Variants in TMEM117 observed in about 807,000 individuals in gnomAD.
TMEM117 encodes the protein transmembrane protein 117.
A neutral mutation model predicts 52.4 loss-of-function variants in TMEM117; 27 were observed. The observed-to-expected ratio is 0.51, with a 90% confidence interval of 0.38 to 0.71. The LOEUF (loss-of-function observed/expected upper bound fraction) is 0.71. TMEM117 is among the 30% of genes least tolerant of loss of function. TMEM117 has a pLI of 0.00. For synonymous variants in TMEM117, 215 were observed against 206.3 expected (o/e 1.04, Z -0.36); for missense variants, 556 against 630.5 (o/e 0.88, Z 1.26).
intron 3 of TMEM117, among the ~76,000 whole-genome samples, chr12:43,993,614 T>C (rs886244581): frequency 2.6e-5 from 4 of 152,148 alleles, no homozygotes; most frequent in African/African-American, 9.7e-5. Flanking sequence ...AAAACATCAC[T>C]ATGTATCTAT....
At chr12:43,847,997 A>C (rs148701299) in intron 2 of TMEM117, among the ~76,000 whole-genome samples, 2,364 of 152,268 alleles carry the variant, frequency 0.016, 23 homozygotes, top group Non-Finnish European at 0.023. Context: ...GCAAGTTTTT[A>C]TTAAGGGTTT....
At chr12:43,913,945 A>T (rs1250012086) in intron 2 of TMEM117, among the ~76,000 whole-genome samples, 1 of 152,134 alleles carries the variant, frequency 6.6e-6, no homozygotes, top group African/African-American at 2.4e-5. Flanking sequence ...TTCCGTTTAT[A>T]TTGATGTATT....
At chr12:43,936,716 T>G (rs1944957276) in intron 2 of TMEM117, among the ~76,000 whole-genome samples, 1 of 152,114 alleles carries the variant, frequency 6.6e-6, no homozygotes, top group Admixed American at 6.5e-5. Flanking sequence ...AACTGTTAGG[T>G]CAGATGCAGC....
chr12:44,195,070 G>A (rs1949400942), intron 4 of TMEM117, among the ~76,000 whole-genome samples: 1 of 152,138 alleles, frequency 6.6e-6, no homozygotes, highest in Non-Finnish European at 1.5e-5. Flanking sequence ...ACATTTGATA[G>A]CTCACTCTTC....
chr12:44,031,446 T>C (rs1229192336), intron 3 of TMEM117, among the ~76,000 whole-genome samples: 2 of 152,178 alleles, frequency 1.3e-5, no homozygotes, highest in Non-Finnish European at 2.9e-5. Context: ...TGCATTTAAA[T>C]GCAGGTTTCT....
At chr12:44,397,002 T>A in the TMEM117 span, among the ~76,000 whole-genome samples, 3 of 152,186 alleles carry the variant, frequency 2.0e-5, no homozygotes, top group African/African-American at 7.2e-5. Flanking sequence ...ATTTCTTACA[T>A]TCAATATGGG....
chr12:44,263,574 A>T (rs182157452), intron 5 of TMEM117: 3 of 152,352 alleles, frequency 2.0e-5, no homozygotes, highest in Non-Finnish European at 1.5e-5. Context: ...TCACAATAGC[A>T]AAGACTTGGA....
intron 2 of TMEM117, among the ~76,000 whole-genome samples, chr12:43,872,312 T>A (rs1943720023): frequency 6.6e-6 from 1 of 152,140 alleles, no homozygotes; most frequent in African/African-American, 2.4e-5. Context: ...AAAACAATAT[T>A]GGCACAGACC....
chr12:44,367,774 T>C (rs1951809708), intron 6 of TMEM117, among the ~76,000 whole-genome samples: 1 of 152,098 alleles, frequency 6.6e-6, no homozygotes, highest in Non-Finnish European at 1.5e-5. Context: ...TTCTCTATTT[T>C]CTGCAAGTGT....
At chr12:44,074,762 A>G (rs1174972247) in intron 3 of TMEM117, among the ~76,000 whole-genome samples, 4 of 152,204 alleles carry the variant, frequency 2.6e-5, no homozygotes, top group African/African-American at 7.2e-5. Flanking sequence ...CTTACAAAAA[A>G]TTATTGATGC....
chr12:43,936,513 G>A (rs760130163), intron 2 of TMEM117, among the ~76,000 whole-genome samples: 24 of 152,122 alleles, frequency 1.6e-4, no homozygotes, highest in Non-Finnish European at 2.9e-4. Context: ...TGAAACCATG[G>A]GAGAGGATGA....
intron 6 of TMEM117, among the ~76,000 whole-genome samples, chr12:44,353,184 T>A (rs1249129757): frequency 6.6e-6 from 1 of 152,168 alleles, no homozygotes; most frequent in Admixed American, 6.5e-5. Flanking sequence ...TCATTGTAGA[T>A]TCTGGATATT....
chr12:44,211,041 A>C (rs1949638837), intron 4 of TMEM117, among the ~76,000 whole-genome samples: 1 of 152,116 alleles, frequency 6.6e-6, no homozygotes, highest in Non-Finnish European at 1.5e-5. Context: ...CGGTAATCTT[A>C]ATATTTAAAA....
the TMEM117 span, among the ~76,000 whole-genome samples, chr12:43,809,678 G>T: frequency 1.2e-4 from 18 of 152,236 alleles, no homozygotes; most frequent in East Asian, 2.1e-3. Context: ...CCACAATATC[G>T]CTGGGCCCTG....
At chr12:44,253,206 G>A (rs1156712933) in intron 5 of TMEM117, among the ~76,000 whole-genome samples, 1 of 152,146 alleles carries the variant, frequency 6.6e-6, no homozygotes, top group Non-Finnish European at 1.5e-5. Flanking sequence ...GTGTGTGGGA[G>A]GGAGCACATA....
chr12:43,967,902 C>T lies in TMEM117; in HGVS notation c.410+23560C>T, dbSNP rs189473300. Among the ~76,000 whole-genome samples, 704 of 152,302 alleles carry T rather than the reference C, an allele frequency of 4.6e-3. 5 individuals carry two copies. The highest frequency in any genetic ancestry group is 0.016 in the African/African-American group (678 of 41,548). ...AAACATGCGTGTGCGTGTGGACACGCACACATACACAGAATGGCTACAAAA... is the reference window on the plus strand; with the variant it reads ...AAACATGCGTGTGCGTGTGGACACGTACACATACACAGAATGGCTACAAAA... On this transcript the variant is annotated intron_variant, in intron 3 of 7. Coordinates refer to ENST00000266534, the MANE Select transcript of TMEM117 (RefSeq NM_032256.3).
At chr12:43,802,587 TGAAAA>T in the TMEM117 span, 1 of 740,682 alleles carries the variant, frequency 1.4e-6, no homozygotes, top group Non-Finnish European at 2.2e-6. Flanking sequence ...ATCAAAAAGT[TGAAAA>T]GAAAAATGTG....
chr12:44,183,129 A>C (rs1949228742), intron 4 of TMEM117, among the ~76,000 whole-genome samples: 1 of 152,200 alleles, frequency 6.6e-6, no homozygotes, highest in Admixed American at 6.5e-5. Flanking sequence ...AATAATCCTC[A>C]GCTAGGGATA....
the TMEM117 span, among the ~76,000 whole-genome samples, chr12:43,816,830 A>C: frequency 1.3e-5 from 2 of 152,246 alleles, no homozygotes; most frequent in South Asian, 4.1e-4. Context: ...CTATAATATG[A>C]TGCCAGCATT....
Sources: allele counts gnomAD v4.1 joint callset (sites outside exome capture counted in the v4.1 genomes callset), GRCh38; gene constraint gnomAD v4.1.1; transcripts MANE v1.5; gene names NCBI Gene and HGNC (gene_info 2026-07-23, HGNC 2026-07-21).